Variants in FREM1 observed in about 807,000 individuals in gnomAD.
FREM1 encodes the protein FRAS1 related extracellular matrix 1, also known as FRAS1-related extracellular matrix protein 1.
A neutral mutation model predicts 210.1 loss-of-function variants in FREM1; 220 were observed. The observed-to-expected ratio is 1.05, with a 90% CI of 0.94 to 1.17. The LOEUF (loss-of-function observed/expected upper bound fraction) is 1.17, where lower values mean the gene tolerates loss of function less well. Among genes scored for constraint, FREM1 ranks in the 50% most tolerant of loss-of-function variants. FREM1 has a pLI of 0.00. For missense variants in FREM1, 3,454 were observed against 2,675.5 expected (o/e 1.29, Z -6.42); for synonymous variants, 1,189 against 980.2 (o/e 1.21, Z -3.98).
intron 27 of FREM1, among the ~76,000 whole-genome samples, chr9:14,763,148 A>G (rs1845803754): frequency 6.6e-6 from 1 of 152,186 alleles, no homozygotes; most frequent in Non-Finnish European, 1.5e-5. Context: ...CAGGAGGGGA[A>G]AACTCCCTAA....
chr9:14,741,371 G>C (rs1046588417), intron 35 of FREM1, among the ~76,000 whole-genome samples: 1 of 152,120 alleles, frequency 6.6e-6, no homozygotes. Flanking sequence ...ACTAATAACA[G>C]TATTTTGCTG....
At chr9:14,852,676 A>C (rs539855741) in intron 5 of FREM1, among the ~76,000 whole-genome samples, 131 of 152,320 alleles carry the variant, frequency 8.6e-4, no homozygotes, top group Non-Finnish European at 1.5e-3. Context: ...CCTGGGCAAG[A>C]GAGTGAGACT....
chr9:14,738,807 C>T (rs576924667), intron 36 of FREM1, among the ~76,000 whole-genome samples: 10 of 151,898 alleles, frequency 6.6e-5, no homozygotes, highest in East Asian at 5.8e-4. Context: ...GTCAGGAGTT[C>T]GAGACCAGCC....
chr9:14,857,561 C>T lies in FREM1; in HGVS notation c.820G>A (p.Val274Met). 1 of 1,613,112 alleles carries T rather than the reference C, an allele frequency of 6.2e-7. No homozygotes were observed. The highest frequency in any genetic ancestry group is 8.5e-7 in the Non-Finnish European group (1 of 1,179,576). The stretch of plus-strand genomic sequence containing the variant: ...ATAACCCCAAACTCTACCTTGTACA[C>T]AATTTTGCTCCTGGTATCTGTGAGG... ...LDLTDTRSKIVYKSESAWLPV... is the reference protein window; with the variant it reads ...LDLTDTRSKIMYKSESAWLPV... Residue 274 changes from valine (V) to methionine (M), a missense_variant, in exon 5 of 37, where the codon GTG becomes ATG. Val to Met is a conservative substitution (Grantham distance 21, BLOSUM62 1). Transcript: ENST00000380880.
At position 14,836,408 on chromosome 9, in the gene FREM1, C is replaced by A. The variant is rs1287288988; in HGVS notation, c.1881+5039G>T. 1.3e-5 allele frequency among the ~76,000 whole-genome samples: 2 copies of A among 152,118 alleles called. No individual in the cohort carries two copies. The highest frequency in any genetic ancestry group is 2.9e-5 in the Non-Finnish European group (2 of 68,018). ...ATTTTTTATTGGATTTAGTGATGCACTTTTAAATGAAACATGCTGCTTTTG... is the reference window on the plus strand; with the variant it reads ...ATTTTTTATTGGATTTAGTGATGCAATTTTAAATGAAACATGCTGCTTTTG... On this transcript the variant is annotated intron_variant, in intron 10 of 36. Coordinates refer to ENST00000380880, the MANE Select transcript of FREM1 (RefSeq NM_001379081.2). The surrounding 1 kb of genome is among the most constrained non-coding windows in gnomAD (Gnocchi z 4.9).
chr9:14,802,856 G>T (rs1167333709), intron 19 of FREM1, among the ~76,000 whole-genome samples: 2 of 152,160 alleles, frequency 1.3e-5, no homozygotes, highest in East Asian at 3.9e-4. Context: ...AATGTCTAGT[G>T]CTGCTAGATA....
At chr9:14,825,808 C>T (rs923734639) in intron 10 of FREM1, among the ~76,000 whole-genome samples, 10 of 151,864 alleles carry the variant, frequency 6.6e-5, no homozygotes, top group Non-Finnish European at 1.5e-4. Context: ...ATTTCCTATG[C>T]AGTGACCATA....
At chr9:14,799,803 T>A (rs934976275) in intron 20 of FREM1, among the ~76,000 whole-genome samples, 9 of 152,184 alleles carry the variant, frequency 5.9e-5, no homozygotes, top group African/African-American at 1.2e-4. Context: ...TCTTTTTTTT[T>A]ATTATTATTA....
At chr9:14,891,599 T>TA (rs1178332001) in intron 1 of FREM1, among the ~76,000 whole-genome samples, 1 of 152,104 alleles carries the variant, frequency 6.6e-6, no homozygotes, top group Non-Finnish European at 1.5e-5. Flanking sequence ...GTAAGTGCAG[T>TA]AATGGTGAGA....
chr9:14,791,357 T>A (rs916925348), intron 22 of FREM1, among the ~76,000 whole-genome samples: 3 of 152,228 alleles, frequency 2.0e-5, no homozygotes, highest in Admixed American at 2.0e-4. Flanking sequence ...CCTTTATTGT[T>A]TCCATGCTTA....
In FREM1 at chr9:14,812,887, T is replaced by C. The variant is rs748404188; in HGVS notation, c.2818A>G (p.Arg940Gly). 20 of 1,613,792 alleles carry C rather than the reference T, an allele frequency of 1.2e-5. No homozygotes were observed. Among genetic ancestry groups the C allele is most frequent in the Admixed American group, 3.3e-5 (2 of 59,994 alleles). The change falls in exon 16 of 37, where the codon AGG becomes GGG. Residue 940 changes from arginine (R) to glycine (G), a missense_variant. Transcript: ENST00000380880. ...IAREPQHGVV[R>G]RAGVTVDQFS... ...TGATCCACTGTGACTCCAGCTCTCC[T>C]CACCACCCCATGCTGAGGTTCGCGA...
At position 14,842,481 on chromosome 9, in the gene FREM1, T is replaced by C; in HGVS notation, c.1573A>G (p.Ile525Val). The change falls in exon 9 of 37, where the codon ATA (isoleucine) becomes GTA (valine). Residue 525 changes from isoleucine (I) to valine (V), a missense_variant. Coordinates refer to ENST00000380880, the MANE Select transcript of FREM1 (RefSeq NM_001379081.2). ...LPKDDSPPFL[I>V]TNVVIELEEG... ...TCCAGTTCAATCACAACATTGGTTATGAGGAACGGGGGACTATCATCTTTG... is the reference window on the plus strand; with the variant it reads ...TCCAGTTCAATCACAACATTGGTTACGAGGAACGGGGGACTATCATCTTTG... The C allele has an allele frequency of 6.2e-7, 1 of 1,614,050 alleles. No homozygotes were observed. The highest frequency in any genetic ancestry group is 8.5e-7 in the Non-Finnish European group (1 of 1,179,888).
At chr9:14,780,707 G>T (rs1849524160) in intron 24 of FREM1, among the ~76,000 whole-genome samples, 1 of 152,112 alleles carries the variant, frequency 6.6e-6, no homozygotes, top group African/African-American at 2.4e-5. Context: ...AAATGGAAGG[G>T]GGAAAATCCT....
intron 15 of FREM1, among the ~76,000 whole-genome samples, chr9:14,814,472 C>T (rs1356040377): frequency 5.3e-5 from 8 of 152,102 alleles, no homozygotes; most frequent in Admixed American, 5.2e-4. Context: ...TTTAAACAGG[C>T]TAAAACTCTA....
At chr9:14,883,032 AC>A (rs1835098487) in intron 1 of FREM1, among the ~76,000 whole-genome samples, 1 of 152,034 alleles carries the variant, frequency 6.6e-6, no homozygotes, top group Admixed American at 6.6e-5. Context: ...CATTATTATT[AC>A]AAAATATATC....
chr9:14,876,922 G>C (rs1433366237), intron 1 of FREM1, among the ~76,000 whole-genome samples: 2 of 152,156 alleles, frequency 1.3e-5, no homozygotes. Context: ...GGAGAGGAGA[G>C]GCAAGAAGAT....
In FREM1 at chr9:14,859,242, C is replaced by T; in HGVS notation, c.572G>A (p.Gly191Glu). ...ACGAGGTTCTTCTGGTCGAGGCTCC[C>T]CGAGAACCATCTGGCCATGGGCTGG... is the stretch of plus-strand genomic sequence containing the variant. ...RLPAHGQMVL[G>E]EPRPEEPRGD... Residue 191 changes from glycine to glutamate, a missense_variant, in exon 4 of 37, where the codon GGG (glycine) becomes GAG (glutamate). By Grantham distance (98) the Gly-to-Glu change is moderately conservative. Transcript: ENST00000380880. 6.2e-7 allele frequency: 1 copy of T among 1,612,220 alleles called. No individual in the cohort carries two copies.
intron 1 of FREM1, among the ~76,000 whole-genome samples, chr9:14,885,944 C>T (rs113491375): frequency 0.016 from 2,381 of 152,262 alleles, 49 homozygotes; most frequent in African/African-American, 0.053. Flanking sequence ...ACATCTCCTT[C>T]CTTTGGACTA....
intron 27 of FREM1, among the ~76,000 whole-genome samples, chr9:14,763,171 G>A (rs1845807595): frequency 6.6e-6 from 1 of 152,190 alleles, no homozygotes; most frequent in South Asian, 2.1e-4. Flanking sequence ...CTCTAAGTCA[G>A]GCTTTCCCAC....
Sources: gnomAD v4.1 joint callset for allele counts (sites outside exome capture counted in the v4.1 genomes callset) on GRCh38, gnomAD v4.1.1 for gene constraint, Gnocchi (gnomAD v3.1) non-coding constraint, MANE v1.5 for transcripts, NCBI Gene and HGNC (gene_info 2026-07-23, HGNC 2026-07-21) for gene names.